The following TMEM163 variants were observed in gnomAD, a reference collection of about 807,000 sequenced individuals.
TMEM163 encodes the protein transmembrane protein 163.
Under a neutral mutation model 29.3 loss-of-function variants are expected in TMEM163, and 17 were observed. That is an observed-to-expected ratio of 0.58 (90% CI 0.40 to 0.87). The LOEUF is 0.87. TMEM163 is among the 40% of genes least tolerant of loss of function. TMEM163 has a pLI of 0.00. For missense variants in TMEM163, 303 were observed against 381.5 expected, an observed-to-expected ratio of 0.79 and a Z score of 1.71; for synonymous variants, 157 against 160.6, an observed-to-expected ratio of 0.98 and a Z score of 0.17.
intron 2 of TMEM163, among the ~76,000 whole-genome samples, chr2:134,562,946 A>T (rs1193580959): frequency 1.3e-5 from 2 of 152,256 alleles, no homozygotes; most frequent in Non-Finnish European, 2.9e-5. Context: ...CTGACAGCTG[A>T]TAATATGTCT....
At chr2:134,461,877 G>A (rs1248419011) in intron 6 of TMEM163, among the ~76,000 whole-genome samples, 6 of 152,188 alleles carry the variant, frequency 3.9e-5, no homozygotes, top group Non-Finnish European at 7.3e-5. Flanking sequence ...GCAGCCTCAG[G>A]GAACCCCCAA....
chr2:134,713,102 A>C, intron 2 of TMEM163, 98 bp downstream of exon 2: 1 of 1,530,026 alleles, frequency 6.5e-7, no homozygotes, highest in Admixed American at 2.2e-5. Flanking sequence ...TTACTCATCA[A>C]TAATAGTCAA....
At chr2:134,525,711 G>A (rs76846746) in intron 4 of TMEM163, among the ~76,000 whole-genome samples, 1 of 152,162 alleles carries the variant, frequency 6.6e-6, no homozygotes, top group African/African-American at 2.4e-5. Flanking sequence ...AACAGAATCT[G>A]CCTCCTTCCC....
intron 4 of TMEM163, among the ~76,000 whole-genome samples, chr2:134,545,846 G>T (rs928669580): frequency 2.6e-5 from 4 of 152,100 alleles, no homozygotes; most frequent in African/African-American, 9.7e-5. Flanking sequence ...ACCTATCAAG[G>T]CTTCTCATCT....
chr2:134,606,675 G>C (rs1003401439), intron 2 of TMEM163, among the ~76,000 whole-genome samples: 3 of 152,310 alleles, frequency 2.0e-5, no homozygotes, highest in Admixed American at 1.3e-4. Context: ...ACAGGGCTGT[G>C]GCAACCGGCC....
At chr2:134,611,979 A>T (rs1682512896) in intron 2 of TMEM163, among the ~76,000 whole-genome samples, 1 of 152,218 alleles carries the variant, frequency 6.6e-6, no homozygotes, top group Non-Finnish European at 1.5e-5. Context: ...TCCTCCCAAC[A>T]GGGGAAGTGG....
intron 2 of TMEM163, among the ~76,000 whole-genome samples, chr2:134,581,558 C>T (rs577757424): frequency 2.6e-4 from 39 of 152,202 alleles, no homozygotes; most frequent in Admixed American, 3.9e-4. Context: ...TGCTGCACTG[C>T]CCTTCCCCCA....
In TMEM163 at chr2:134,469,187, G is replaced by C. The variant is rs1481262622; in HGVS notation, c.556-2962C>G. ...TCAACTTCCAAGAGACCAGGACTGAGCTCCACCGCGGCCTATCCAGGGGCT... is the reference window on the plus strand; with the variant it reads ...TCAACTTCCAAGAGACCAGGACTGACCTCCACCGCGGCCTATCCAGGGGCT... On this transcript the variant is annotated intron_variant, in intron 5 of 7. Transcript: ENST00000281924. 3.9e-5 allele frequency: 6 copies of C among 152,158 alleles called. 1 individual carries two copies. The highest frequency in any genetic ancestry group is 1.4e-4 in the African/African-American group (6 of 41,508). 9.4% of individuals were successfully genotyped at this position (152,158 alleles called of 1,614,324 possible).
At chr2:134,673,242 C>T (rs1288488154) in intron 2 of TMEM163, among the ~76,000 whole-genome samples, 6 of 152,104 alleles carry the variant, frequency 3.9e-5, no homozygotes, top group African/African-American at 1.2e-4. Flanking sequence ...TTCATGAGCT[C>T]GCATTGGCAC....
At chr2:134,713,861 T>C (rs1684982491) in intron 1 of TMEM163, among the ~76,000 whole-genome samples, 1 of 152,222 alleles carries the variant, frequency 6.6e-6, no homozygotes. Flanking sequence ...CCATTTCTCT[T>C]TAACCACATC....
intron 2 of TMEM163, among the ~76,000 whole-genome samples, chr2:134,670,321 C>A (rs1683965358): frequency 6.6e-6 from 1 of 152,192 alleles, no homozygotes; most frequent in African/African-American, 2.4e-5. Context: ...TTCAAGGTCA[C>A]TCTGGAGACC....
At chr2:134,661,998 C>G (rs1245772138) in intron 2 of TMEM163, among the ~76,000 whole-genome samples, 2 of 133,082 alleles carry the variant, frequency 1.5e-5, no homozygotes, top group Non-Finnish European at 3.1e-5. Flanking sequence ...GTGGCGCAAT[C>G]TAGGCTCACT....
intron 5 of TMEM163, among the ~76,000 whole-genome samples, chr2:134,483,608 G>A (rs1342928001): frequency 6.6e-6 from 1 of 152,140 alleles, no homozygotes; most frequent in East Asian, 1.9e-4. Flanking sequence ...ACCCCTGCGA[G>A]GTGGAAATTC....
In TMEM163 at chr2:134,580,253, G is replaced by T. The variant is rs186300605; in HGVS notation, c.323-28162C>A. 2.3e-3 allele frequency among the ~76,000 whole-genome samples: 343 copies of T among 152,310 alleles called. 1 individual carries two copies. The highest frequency in any genetic ancestry group is 7.4e-3 in the African/African-American group (308 of 41,566). On this transcript the variant is annotated intron_variant, in intron 2 of 7. Transcript: ENST00000281924. Reference sequence around the variant, plus strand: ...GGTGAAGAGAGTTAGAATTCATTAAGGGCTGAAGATTAATTAGGCCACCTC... The same window carrying T: ...GGTGAAGAGAGTTAGAATTCATTAATGGCTGAAGATTAATTAGGCCACCTC...
intron 4 of TMEM163, among the ~76,000 whole-genome samples, chr2:134,510,354 G>A (rs1175950671): frequency 6.6e-6 from 1 of 152,292 alleles, no homozygotes; most frequent in Non-Finnish European, 1.5e-5. Flanking sequence ...GGAAACCTTT[G>A]TGGTGACAGG....
intron 2 of TMEM163, among the ~76,000 whole-genome samples, chr2:134,711,386 G>T (rs1019801582): frequency 6.6e-6 from 1 of 152,040 alleles, no homozygotes; most frequent in African/African-American, 2.4e-5. Flanking sequence ...ACATTTTTTA[G>T]TTTGACTAAA....
intron 4 of TMEM163, among the ~76,000 whole-genome samples, chr2:134,547,594 T>C (rs761411747): frequency 1.3e-5 from 2 of 152,248 alleles, no homozygotes; most frequent in African/African-American, 4.8e-5. Context: ...GCTTCTCAGC[T>C]GGCAGTGATT....
rs923920400 is a variant in TMEM163, at chr2:134,683,237, T to C, written c.322+29963A>G. 7.9e-5 allele frequency among the ~76,000 whole-genome samples: 12 copies of C among 152,010 alleles called. No individual in the cohort carries two copies. In the East Asian group the frequency reaches 9.6e-4, roughly 12 times the overall value. ...CACCAAGAGTGAGCCCTAATGTAAA[T>C]AATGGACTTTGGGTGATAATGATGT... On this transcript the variant is annotated intron_variant, in intron 2 of 7. Transcript: ENST00000281924.
At chr2:134,659,023 G>A (rs772524216) in intron 2 of TMEM163, among the ~76,000 whole-genome samples, 2 of 152,144 alleles carry the variant, frequency 1.3e-5, no homozygotes, top group African/African-American at 4.8e-5. Context: ...TGCAAACATC[G>A]CCGAGTGTAC....
Sources: allele counts gnomAD v4.1 joint callset (sites outside exome capture counted in the v4.1 genomes callset), GRCh38; gene constraint gnomAD v4.1.1; transcripts MANE v1.5; gene names NCBI Gene and HGNC (gene_info 2026-07-23, HGNC 2026-07-21).